NPC1: variants seen among roughly 807,000 people sequenced by gnomAD.
NPC1 encodes NPC intracellular cholesterol transporter 1.
NPC1 carries 85 observed loss-of-function variants against 140.4 expected under a neutral mutation model. The ratio of observed to expected loss-of-function variants is 0.61; its 90% confidence interval spans 0.51 to 0.72. The LOEUF is 0.72. NPC1 is among the 30% of genes least tolerant of loss of function. NPC1 has a pLI of 0.00. For missense variants in NPC1, 1,504 were observed against 1,623.8 expected, an observed-to-expected ratio of 0.93 and a Z score of 1.27; for synonymous variants, 656 against 624.8, an observed-to-expected ratio of 1.05 and a Z score of -0.74.
chr18:23,569,810 C>A (rs1431274335), intron 3 of NPC1, among the ~76,000 whole-genome samples: 3 of 152,318 alleles, frequency 2.0e-5, no homozygotes, highest in African/African-American at 7.2e-5. Flanking sequence ...TTCAGGAGCA[C>A]ACAACTGCAC....
intron 23 of NPC1, 42 bp downstream of exon 23, chr18:23,534,404 G>T: frequency 7.7e-7 from 1 of 1,293,802 alleles, no homozygotes; most frequent in Non-Finnish European, 1.1e-6. Flanking sequence ...GGATTACTTT[G>T]TGGTGCGACT....
chr18:23,563,703 G>A (rs2059077595), intron 4 of NPC1, among the ~76,000 whole-genome samples: 2 of 152,170 alleles, frequency 1.3e-5, no homozygotes, highest in South Asian at 4.1e-4. Flanking sequence ...ATGAGCCACT[G>A]TGCCCAGCTG....
intron 1 of NPC1, among the ~76,000 whole-genome samples, chr18:23,581,497 A>AT (rs2059354935): frequency 6.6e-6 from 1 of 152,188 alleles, no homozygotes; most frequent in Admixed American, 6.5e-5. Flanking sequence ...TTGACCCTTG[A>AT]TGTCTGCATC....
chr18:23,580,282 T>C (rs2059342015), intron 1 of NPC1, among the ~76,000 whole-genome samples: 1 of 152,030 alleles, frequency 6.6e-6, no homozygotes, highest in African/African-American at 2.4e-5. Flanking sequence ...CCCATCCCCC[T>C]TGTCCTCCTG....
chr18:23,506,818 A>G (rs2057728432), intron 3 of NPC1: 2 of 573,088 alleles, frequency 3.5e-6, no homozygotes, highest in Non-Finnish European at 6.3e-6. Context: ...TAGTTTGAAA[A>G]GAGGTCCTAC....
downstream of NPC1, among the ~76,000 whole-genome samples, chr18:23,525,757 A>T (rs1027969319): frequency 1.1e-4 from 16 of 151,994 alleles, no homozygotes; most frequent in Non-Finnish European, 2.1e-4. Context: ...GGGTCTTGCC[A>T]TGTTGCCCCT....
chr18:23,507,653 T>C (rs2057749150), intron 3 of NPC1, among the ~76,000 whole-genome samples: 2 of 152,192 alleles, frequency 1.3e-5, no homozygotes, highest in South Asian at 4.1e-4. Flanking sequence ...CTTCCATCAG[T>C]TTTAAGTGTT....
At chr18:23,570,083 T>C (rs1386850194) in intron 3 of NPC1, among the ~76,000 whole-genome samples, 1 of 152,210 alleles carries the variant, frequency 6.6e-6, no homozygotes, top group African/African-American at 2.4e-5. Context: ...GCACAGACTC[T>C]CTTTCTTTCA....
chr18:23,533,196 G>GT lies in NPC1; in HGVS notation c.3754+158dup, dbSNP rs1209693398. On this transcript the variant is annotated intron_variant, in intron 24 of 24. Coordinates refer to ENST00000269228, the MANE Select transcript of NPC1 (RefSeq NM_000271.5). ...GCACCATCATGAATCCCCTGGATGG[G>GT]TTTTTTCTTTTAGAAGAAATTTTTT... The GT allele has an allele frequency of 1.2e-5, 10 of 861,668 alleles. No individual in the cohort carries two copies. In the South Asian group the frequency reaches 1.5e-4, roughly 13 times the overall value. The allele number at this position is 861,668 out of a possible 1,614,324, so 53.4% of individuals were successfully genotyped here.
intron 9 of NPC1, among the ~76,000 whole-genome samples, chr18:23,552,501 A>G (rs974880711): frequency 1.3e-5 from 2 of 152,250 alleles, no homozygotes; most frequent in African/African-American, 4.8e-5. Flanking sequence ...AAGAAATGTC[A>G]TGAGCTGTTT....
chr18:23,522,778 A>G (rs1374409718), exon 2 of NPC1: 1 of 152,366 alleles, frequency 6.6e-6, no homozygotes, highest in African/African-American at 2.4e-5. Flanking sequence ...GTGGGCTGCA[A>G]AGCATTTTCA....
intron 20 of NPC1, among the ~76,000 whole-genome samples, chr18:23,537,941 T>A (rs916821730): frequency 1.3e-5 from 2 of 152,184 alleles, no homozygotes; most frequent in Non-Finnish European, 2.9e-5. Flanking sequence ...CTAACATACA[T>A]GGGGATACTC....
downstream of NPC1, among the ~76,000 whole-genome samples, chr18:23,517,616 C>T (rs960551176): frequency 4.8e-4 from 73 of 152,252 alleles, no homozygotes; most frequent in African/African-American, 1.6e-3. Flanking sequence ...TCTTCTGTGG[C>T]CTAAAACAGT....
In NPC1 at chr18:23,532,191, C is replaced by G. The variant is rs372695667; in HGVS notation, c.*11G>C. On this transcript the variant is annotated 3_prime_UTR_variant, in exon 25 of 25. Coordinates refer to ENST00000269228, the MANE Select transcript of NPC1 (RefSeq NM_000271.5). Reference sequence around the variant, plus strand: ...TTAGACACAGTTCAGTCAGGATGCCCTGCGAGAGGGCTAGAAATTTAGAAG... The same window carrying G: ...TTAGACACAGTTCAGTCAGGATGCCGTGCGAGAGGGCTAGAAATTTAGAAG... The G allele has an allele frequency of 3.7e-6, 6 of 1,614,012 alleles. No individual in the cohort carries two copies. In the East Asian group the frequency reaches 1.3e-4, roughly 36 times the overall value.
At chr18:23,560,953 G>C (rs1234165015) in intron 5 of NPC1, among the ~76,000 whole-genome samples, 3 of 152,208 alleles carry the variant, frequency 2.0e-5, no homozygotes, top group African/African-American at 7.2e-5. Flanking sequence ...GAGAAACTAT[G>C]AACTAGTTAC....
At chr18:23,543,934 G>GACCTT (rs2058747889) in intron 13 of NPC1, among the ~76,000 whole-genome samples, 1 of 152,178 alleles carries the variant, frequency 6.6e-6, no homozygotes, top group Admixed American at 6.5e-5. Context: ...GACACGTGTT[G>GACCTT]ACCTTTTGCC....
intron 4 of NPC1, among the ~76,000 whole-genome samples, chr18:23,565,775 G>C (rs999346969): frequency 1.1e-4 from 16 of 152,198 alleles, no homozygotes; most frequent in African/African-American, 3.9e-4. Context: ...AAATACAACT[G>C]ATTTTTGTAT....
intron 22 of NPC1, among the ~76,000 whole-genome samples, chr18:23,534,765 C>T (rs1364860234): frequency 6.6e-6 from 1 of 152,182 alleles, no homozygotes; most frequent in Non-Finnish European, 1.5e-5. Context: ...CAGCCAAAAG[C>T]CTGGTTTTCT....
chr18:23,520,278 C>T (rs1442360066), downstream of NPC1: 1 of 1,614,104 alleles, frequency 6.2e-7, no homozygotes, highest in Non-Finnish European at 8.5e-7. Context: ...GTGCTTCCCG[C>T]TCGATCGATC....
Sources: gnomAD v4.1 joint callset for allele counts (sites outside exome capture counted in the v4.1 genomes callset) on GRCh38, gnomAD v4.1.1 for gene constraint, MANE v1.5 for transcripts, NCBI Gene and HGNC (gene_info 2026-07-23, HGNC 2026-07-21) for gene names.